The following CADPS variants were observed in gnomAD, a reference collection of about 807,000 sequenced individuals.
CADPS encodes calcium-dependent secretion activator 1.
CADPS carries 57 observed loss-of-function variants against 167.3 expected under a neutral mutation model. The ratio of observed to expected loss-of-function variants is 0.34; its 90% CI spans 0.28 to 0.42. CADPS has a LOEUF of 0.42. Ranked by LOEUF, CADPS falls within the 20% of genes least tolerant of loss-of-function variation. The probability of loss-of-function intolerance (pLI) is 1.00; values close to 1 mark genes in which losing one functional copy is unlikely to be tolerated. For missense variants in CADPS, 1,414 were observed against 1,738.1 expected (o/e 0.81, Z 3.32); for synonymous variants, 676 against 635.3 (o/e 1.06, Z -0.96).
intron 28 of CADPS, among the ~76,000 whole-genome samples, chr3:62,427,512 T>C (rs2052997992): frequency 6.6e-6 from 1 of 152,160 alleles, no homozygotes; most frequent in Non-Finnish European, 1.5e-5. Context: ...CTGTAGGGGC[T>C]GTCCTGTGCA....
rs185466779 is a variant in CADPS at position 62,539,149 on chromosome 3, G to A, written c.1967-2568C>T. ...ATGAGCCTAGGACTGGATCTAGGAG[G>A]TCTAGATTTTAGGTTGAGCTCTGTT... On this transcript the variant is annotated intron_variant, in intron 11 of 29. Coordinates refer to ENST00000383710, the MANE Select transcript of CADPS (RefSeq NM_003716.4). 3.9e-5 allele frequency among the ~76,000 whole-genome samples: 6 copies of A among 152,162 alleles called. No individual in the cohort carries two copies. In the East Asian group the frequency reaches 1.2e-3, roughly 29 times the overall value.
intron 26 of CADPS, among the ~76,000 whole-genome samples, chr3:62,463,586 C>T (rs111989840): frequency 1.3e-5 from 2 of 152,308 alleles, no homozygotes; most frequent in African/African-American, 4.8e-5. Context: ...CTGAATCCCA[C>T]TCTCTCCAGG....
intron 7 of CADPS, among the ~76,000 whole-genome samples, chr3:62,589,678 A>G (rs949829810): frequency 1.3e-5 from 2 of 152,172 alleles, no homozygotes; most frequent in Admixed American, 1.3e-4. Context: ...AGTCTTTGGG[A>G]CAGTGGCCTG....
chr3:62,868,241 C>T (rs2082054395), intron 1 of CADPS, among the ~76,000 whole-genome samples: 1 of 152,042 alleles, frequency 6.6e-6, no homozygotes, highest in African/African-American at 2.4e-5. Flanking sequence ...CTCTTGGATG[C>T]TTTACAGGGG....
intron 28 of CADPS, among the ~76,000 whole-genome samples, chr3:62,417,904 C>G (rs2050473024): frequency 6.6e-6 from 1 of 151,820 alleles, no homozygotes. Context: ...ATGACATGTG[C>G]CTATAGTCTC....
chr3:62,466,062 G>C (rs1264043602), intron 25 of CADPS, among the ~76,000 whole-genome samples: 2 of 152,152 alleles, frequency 1.3e-5, no homozygotes, highest in Non-Finnish European at 2.9e-5. Context: ...AACTTTGTCA[G>C]AGCTGAAAAA....
chr3:62,565,764 T>A (rs149351978), intron 9 of CADPS, among the ~76,000 whole-genome samples: 1 of 152,308 alleles, frequency 6.6e-6, no homozygotes, highest in East Asian at 1.9e-4. Flanking sequence ...GCTACTTTGG[T>A]CCAGCACTCC....
intron 11 of CADPS, among the ~76,000 whole-genome samples, chr3:62,548,889 T>C (rs2076903887): frequency 6.6e-6 from 1 of 152,246 alleles, no homozygotes; most frequent in African/African-American, 2.4e-5. Flanking sequence ...TCATGGTATT[T>C]ACCAGTGTCT....
intron 1 of CADPS, among the ~76,000 whole-genome samples, chr3:62,854,264 G>A (rs78350603): frequency 0.02 from 2,976 of 152,164 alleles, 106 homozygotes; most frequent in African/African-American, 0.067. Flanking sequence ...GAACCTCCCC[G>A]TTAAAAAAGT....
intron 1 of CADPS, among the ~76,000 whole-genome samples, chr3:62,821,996 A>G (rs9828643): frequency 0.084 from 12,854 of 152,156 alleles, 1,199 homozygotes; most frequent in African/African-American, 0.24. Context: ...AAGGCCATCA[A>G]CATGCTTCAT....
At chr3:62,442,278 C>A (rs1283424767) in intron 27 of CADPS, among the ~76,000 whole-genome samples, 2 of 150,028 alleles carry the variant, frequency 1.3e-5, no homozygotes, top group East Asian at 3.9e-4. Flanking sequence ...ATGGCACAAT[C>A]TCGGCTCACT....
chr3:62,427,660 C>G (rs1232132297), intron 28 of CADPS, among the ~76,000 whole-genome samples: 1 of 152,076 alleles, frequency 6.6e-6, no homozygotes, highest in Non-Finnish European at 1.5e-5. Flanking sequence ...CCGGTAGAAG[C>G]ACTAACTCAG....
At chr3:62,417,204 T>G (rs1045093843) in intron 28 of CADPS, among the ~76,000 whole-genome samples, 3 of 152,136 alleles carry the variant, frequency 2.0e-5, no homozygotes, top group African/African-American at 7.2e-5. Flanking sequence ...TGAGAAGTTC[T>G]GTAGTAGAGA....
At chr3:62,792,895 G>A (rs2093071755) in intron 1 of CADPS, among the ~76,000 whole-genome samples, 1 of 152,166 alleles carries the variant, frequency 6.6e-6, no homozygotes, top group Non-Finnish European at 1.5e-5. Flanking sequence ...ACTGCACACA[G>A]CTAACAAATA....
At chr3:62,400,451 C>T (rs1575530362) in intron 29 of CADPS, among the ~76,000 whole-genome samples, 13 of 151,968 alleles carry the variant, frequency 8.6e-5, no homozygotes, top group Admixed American at 8.5e-4. Flanking sequence ...AGGTCTCTAA[C>T]TACAACTCTC....
At chr3:62,559,367 A>T (rs889699863) in intron 9 of CADPS, among the ~76,000 whole-genome samples, 1 of 152,120 alleles carries the variant, frequency 6.6e-6, no homozygotes, top group African/African-American at 2.4e-5. Context: ...TTACCCCCCA[A>T]ATTTACAGGG....
intron 3 of CADPS, among the ~76,000 whole-genome samples, chr3:62,743,132 G>A (rs507474): frequency 0.29 from 44,514 of 152,034 alleles, 6,806 homozygotes; most frequent in South Asian, 0.44. Flanking sequence ...AACAGATGTT[G>A]GAAAGGCTGT....
At chr3:62,546,928 A>C (rs1464803974) in intron 11 of CADPS, among the ~76,000 whole-genome samples, 3 of 152,200 alleles carry the variant, frequency 2.0e-5, no homozygotes, top group East Asian at 1.9e-4. Flanking sequence ...ATATCTAGAC[A>C]CTTTTTTCTC....
At chr3:62,684,518 GGAAA>G (rs1229100331) in intron 3 of CADPS, among the ~76,000 whole-genome samples, 1 of 152,076 alleles carries the variant, frequency 6.6e-6, no homozygotes, top group South Asian at 2.1e-4. Context: ...CTGTTACTGG[GGAAA>G]GAAAGATTTT....
Sources: gnomAD v4.1 joint callset for allele counts (sites outside exome capture counted in the v4.1 genomes callset) on GRCh38, gnomAD v4.1.1 for gene constraint, MANE v1.5 for transcripts, NCBI Gene and HGNC (gene_info 2026-07-23, HGNC 2026-07-21) for gene names.